The following KIAA1328 variants were observed in gnomAD, a reference collection of about 807,000 sequenced individuals.
KIAA1328 encodes the protein protein hinderin.
Under a neutral mutation model 68.1 loss-of-function variants are expected in KIAA1328, and 52 were observed. The observed-to-expected ratio is 0.76, with a 90% CI of 0.61 to 0.96. The LOEUF is 0.96. KIAA1328 is among the 40% of genes least tolerant of loss of function. The pLI is 0.00. For missense variants in KIAA1328, 641 were observed against 677.6 expected (o/e 0.95, Z 0.60); for synonymous variants, 232 against 239.4 (o/e 0.97, Z 0.28).
At chr18:37,207,773 T>G (rs943801379) in intron 9 of KIAA1328, among the ~76,000 whole-genome samples, 1 of 152,232 alleles carries the variant, frequency 6.6e-6, no homozygotes, top group Non-Finnish European at 1.5e-5. Flanking sequence ...AGCAATTGCC[T>G]GTGGTGCAAG....
intron 7 of KIAA1328, among the ~76,000 whole-genome samples, chr18:37,134,786 G>A (rs1331635042): frequency 1.3e-5 from 2 of 152,142 alleles, no homozygotes. Flanking sequence ...GAGGTTTGGG[G>A]TACAAATGAC....
At chr18:37,040,461 G>C (rs2055201447) in intron 6 of KIAA1328, among the ~76,000 whole-genome samples, 1 of 151,846 alleles carries the variant, frequency 6.6e-6, no homozygotes, top group Non-Finnish European at 1.5e-5. Flanking sequence ...TCTGTCTCTT[G>C]TTTTATTTTA....
chr18:36,879,404 C>G (rs1350674977), intron 4 of KIAA1328, among the ~76,000 whole-genome samples: 1 of 152,186 alleles, frequency 6.6e-6, no homozygotes, highest in Non-Finnish European at 1.5e-5. Flanking sequence ...AGCTTCCTCA[C>G]AGAGGGGCAC....
chr18:36,985,957 C>A (rs2052904980), intron 6 of KIAA1328, among the ~76,000 whole-genome samples: 1 of 152,108 alleles, frequency 6.6e-6, no homozygotes, highest in Admixed American at 6.6e-5. Context: ...ATTAAAAAGG[C>A]TTCCCCTATC....
intron 9 of KIAA1328, among the ~76,000 whole-genome samples, chr18:37,202,887 A>G (rs1460651750): frequency 1.3e-5 from 2 of 152,162 alleles, no homozygotes; most frequent in Non-Finnish European, 2.9e-5. Context: ...GTAAGATCAC[A>G]GGTCATTATA....
chr18:36,986,201 G>A (rs1204813605), intron 6 of KIAA1328, among the ~76,000 whole-genome samples: 1 of 151,698 alleles, frequency 6.6e-6, no homozygotes, highest in Non-Finnish European at 1.5e-5. Flanking sequence ...CAACCCAAGT[G>A]TTCATCAGGT....
intron 6 of KIAA1328, among the ~76,000 whole-genome samples, chr18:37,056,923 A>G (rs1010433130): frequency 2.6e-5 from 4 of 152,182 alleles, no homozygotes; most frequent in Non-Finnish European, 5.9e-5. Context: ...GATTACAGGC[A>G]TGAGCCACCA....
intron 7 of KIAA1328, among the ~76,000 whole-genome samples, chr18:37,076,783 G>C (rs1408073604): frequency 2.0e-5 from 3 of 151,996 alleles, no homozygotes; most frequent in Non-Finnish European, 2.9e-5. Context: ...GACTAAACCA[G>C]GAAGAAGTTG....
chr18:36,890,219 T>C (rs926984434), intron 5 of KIAA1328, among the ~76,000 whole-genome samples: 5 of 149,372 alleles, frequency 3.3e-5, no homozygotes, highest in African/African-American at 1.2e-4. Flanking sequence ...TTTTTTTCTT[T>C]CTTCTTCTTT....
intron 6 of KIAA1328, among the ~76,000 whole-genome samples, chr18:37,059,515 C>T (rs563033847): frequency 2.6e-5 from 4 of 152,198 alleles, no homozygotes; most frequent in Admixed American, 6.5e-5. Context: ...GTTAGAATGG[C>T]GATCATTAAA....
Position 37,069,929 on chromosome 18 carries a change from CTT to C in KIAA1328, c.1232+2388_1232+2389del, listed in dbSNP as rs1184279215. 5.3e-5 allele frequency among the ~76,000 whole-genome samples: 8 copies of C among 151,886 alleles called. No homozygotes were observed. In the East Asian group the frequency reaches 1.5e-3, roughly 29 times the overall value. ...AAGGTGGAAGCATATTGGTTTGAGA[CTT>C]TTTCACTTTTCTACTGGAAGCATTT... On this transcript the variant is annotated intron_variant, in intron 7 of 9. Transcript: ENST00000280020.
intron 7 of KIAA1328, among the ~76,000 whole-genome samples, chr18:37,132,306 T>G (rs529692345): frequency 1.3e-5 from 2 of 152,224 alleles, no homozygotes; most frequent in African/African-American, 4.8e-5. Context: ...TCAGCTTGAT[T>G]GTTGTTATCG....
At chr18:37,021,747 G>T (rs2054353990) in intron 6 of KIAA1328, among the ~76,000 whole-genome samples, 1 of 151,316 alleles carries the variant, frequency 6.6e-6, no homozygotes, top group Non-Finnish European at 1.5e-5. Context: ...TTTCTTTCTT[G>T]TCTATTAAAC....
intron 6 of KIAA1328, among the ~76,000 whole-genome samples, chr18:37,007,111 T>C (rs2053812040): frequency 6.6e-6 from 1 of 152,270 alleles, no homozygotes; most frequent in East Asian, 1.9e-4. Flanking sequence ...ATTCTAAATA[T>C]TACCTTCCAT....
chr18:37,060,571 G>A (rs960760124), intron 6 of KIAA1328, among the ~76,000 whole-genome samples: 4 of 152,022 alleles, frequency 2.6e-5, no homozygotes, highest in African/African-American at 7.2e-5. Context: ...TAAACACTTC[G>A]GAAAACTTAT....
chr18:36,865,971 T>C (rs1182605842), intron 4 of KIAA1328, among the ~76,000 whole-genome samples: 1 of 152,196 alleles, frequency 6.6e-6, no homozygotes, highest in Non-Finnish European at 1.5e-5. Context: ...TGCCCGTTTT[T>C]GAGTATAACC....
At chr18:37,126,184 A>G (rs58109853) in intron 7 of KIAA1328, among the ~76,000 whole-genome samples, 5,444 of 152,276 alleles carry the variant, frequency 0.036, 128 homozygotes, top group East Asian at 0.099. Context: ...GTATATGTGA[A>G]CCATAAATGA....
At chr18:37,193,999 A>G (rs1054644983) in intron 9 of KIAA1328, among the ~76,000 whole-genome samples, 4 of 152,204 alleles carry the variant, frequency 2.6e-5, no homozygotes, top group Non-Finnish European at 4.4e-5. Context: ...ACGTACCACA[A>G]TGCAGTTAAC....
At chr18:37,100,755 C>T (rs995223800) in intron 7 of KIAA1328, among the ~76,000 whole-genome samples, 1 of 152,220 alleles carries the variant, frequency 6.6e-6, no homozygotes, top group Non-Finnish European at 1.5e-5. Flanking sequence ...AGTAGCCTAA[C>T]TGGGAGGCAC....
Sources: gnomAD v4.1 joint callset for allele counts (sites outside exome capture counted in the v4.1 genomes callset) on GRCh38, gnomAD v4.1.1 for gene constraint, MANE v1.5 for transcripts, NCBI Gene and HGNC (gene_info 2026-07-23, HGNC 2026-07-21) for gene names.